The following GRM7 variants were observed in gnomAD, a reference collection of about 807,000 sequenced individuals.
GRM7 encodes metabotropic glutamate receptor 7.
GRM7 carries 35 observed loss-of-function variants against 84.5 expected under a neutral mutation model. The ratio of observed to expected loss-of-function variants is 0.41; its 90% CI spans 0.32 to 0.55. The LOEUF (loss-of-function observed/expected upper bound fraction) is 0.55. GRM7 is among the 20% of genes least tolerant of loss of function. The probability of loss-of-function intolerance (pLI) is 0.19; values close to 1 mark genes in which losing one functional copy is unlikely to be tolerated. For missense variants in GRM7, 1,003 were observed against 1,194.6 expected, an observed-to-expected ratio of 0.84 and a Z score of 2.36; for synonymous variants, 487 against 455.1, an observed-to-expected ratio of 1.07 and a Z score of -0.89.
chr3:6,954,934 G>A (rs113378529), intron 1 of GRM7, among the ~76,000 whole-genome samples: 1 of 152,196 alleles, frequency 6.6e-6, no homozygotes, highest in Non-Finnish European at 1.5e-5. Flanking sequence ...GCTTTTAACT[G>A]CTGAGGCTCA....
chr3:7,338,680 A>G (rs1343126600), intron 4 of GRM7, among the ~76,000 whole-genome samples: 4 of 152,058 alleles, frequency 2.6e-5, no homozygotes, highest in Admixed American at 1.3e-4. Flanking sequence ...AAATGTCTGT[A>G]TTGAGATCAC....
chr3:7,404,414 G>C (rs1310488195), intron 4 of GRM7, among the ~76,000 whole-genome samples: 1 of 152,198 alleles, frequency 6.6e-6, no homozygotes. Flanking sequence ...TAGGCTGACA[G>C]CCTTTCTGAG....
At chr3:7,184,904 A>G (rs1334417695) in intron 2 of GRM7, among the ~76,000 whole-genome samples, 1 of 152,190 alleles carries the variant, frequency 6.6e-6, no homozygotes, top group East Asian at 1.9e-4. Flanking sequence ...AGTAATAATG[A>G]TCAGAAGAAA....
At chr3:7,263,937 G>A (rs1698536508) in intron 2 of GRM7, among the ~76,000 whole-genome samples, 1 of 152,116 alleles carries the variant, frequency 6.6e-6, no homozygotes, top group African/African-American at 2.4e-5. Flanking sequence ...GTGGGGGGTG[G>A]CCGTGGGCGA....
intron 1 of GRM7, among the ~76,000 whole-genome samples, chr3:6,876,626 G>T (rs1354183734): frequency 7.4e-6 from 1 of 134,304 alleles, no homozygotes; most frequent in Non-Finnish European, 1.6e-5. Context: ...TTTTGAGAAG[G>T]TGTCTCGCTG....
Position 7,692,047 on chromosome 3 carries a change from A to G in GRM7, c.2698+11752A>G, listed in dbSNP as rs1454705369. Among the ~76,000 whole-genome samples the G allele has an allele frequency of 2.0e-5, 3 of 152,122 alleles. No homozygotes were observed. The East Asian group carries it at 5.8e-4, about 29-fold the overall frequency. On this transcript the variant is annotated intron_variant, in intron 9 of 9. Transcript: ENST00000357716. ...TAAACTCTCAGAGTTGGAAGTCATG[A>G]TATCTAGGATTGCCAATAAAGTCAG...
intron 1 of GRM7, among the ~76,000 whole-genome samples, chr3:7,029,310 A>ACAAACAAAC (rs1559393917): frequency 9.1e-6 from 1 of 110,120 alleles, no homozygotes; most frequent in Admixed American, 8.8e-5. Flanking sequence ...TCAAAAAAAA[A>ACAAACAAAC]AAAACAAAAA....
intron 2 of GRM7, among the ~76,000 whole-genome samples, chr3:7,203,199 T>A (rs1696124054): frequency 6.6e-6 from 1 of 151,080 alleles, no homozygotes; most frequent in Non-Finnish European, 1.5e-5. Flanking sequence ...CAACCTCTCT[T>A]CATGTCTCCT....
chr3:7,175,828 G>A (rs1220106349), intron 2 of GRM7, among the ~76,000 whole-genome samples: 1 of 152,122 alleles, frequency 6.6e-6, no homozygotes, highest in Non-Finnish European at 1.5e-5. Flanking sequence ...GTGAGCCGCT[G>A]CACCCATCCA....
chr3:7,486,131 CTGACT>C lies in GRM7; in HGVS notation c.1515+24410_1515+24414del, dbSNP rs1449802733. Among the ~76,000 whole-genome samples, 1 of 152,130 alleles carries C rather than the reference CTGACT, an allele frequency of 6.6e-6. No individual in the cohort carries two copies. The highest frequency in any genetic ancestry group is 1.5e-5 in the Non-Finnish European group (1 of 68,038). ...TGGATTTTAAATACTGCTTCTTGAA[CTGACT>C]CTGATCTTAGAATATATTTCATTTT... On this transcript the variant is annotated intron_variant, in intron 7 of 9. Coordinates refer to ENST00000357716, the MANE Select transcript of GRM7 (RefSeq NM_000844.4). The surrounding 1 kb of genome is among the most constrained non-coding windows in gnomAD (Gnocchi z 5.5).
chr3:7,480,146 A>C (rs749743949), intron 7 of GRM7, among the ~76,000 whole-genome samples: 3 of 152,202 alleles, frequency 2.0e-5, no homozygotes, highest in Non-Finnish European at 2.9e-5. Context: ...TCCATCACAG[A>C]GTCTAACCAG....
chr3:7,516,476 C>CAAAAA (rs34508559), intron 7 of GRM7, among the ~76,000 whole-genome samples: 30 of 42,470 alleles, frequency 7.1e-4, no homozygotes, highest in East Asian at 2.0e-3. Flanking sequence ...GACTCCCTCT[C>CAAAAA]AAAAAAAAAA....
intron 9 of GRM7, chr3:7,686,391 G>T: frequency 6.4e-7 from 1 of 1,552,526 alleles, no homozygotes. Flanking sequence ...GTGTACAAAA[G>T]TCTGTTACTT....
At chr3:7,269,312 GA>G (rs1247393694) in intron 2 of GRM7, among the ~76,000 whole-genome samples, 1 of 152,162 alleles carries the variant, frequency 6.6e-6, no homozygotes, top group Non-Finnish European at 1.5e-5. Flanking sequence ...TTTCCTGCCT[GA>G]ACCATCATCA....
At chr3:7,115,891 C>T (rs770122703) in intron 1 of GRM7, among the ~76,000 whole-genome samples, 1 of 152,114 alleles carries the variant, frequency 6.6e-6, no homozygotes, top group Admixed American at 6.6e-5. Flanking sequence ...AATCAACAAC[C>T]TGGCAGTACT....
chr3:7,426,573 A>G (rs893894324), intron 5 of GRM7, among the ~76,000 whole-genome samples: 1 of 152,090 alleles, frequency 6.6e-6, no homozygotes, highest in Non-Finnish European at 1.5e-5. Context: ...TGAAGCTCCC[A>G]TCACGATCTA....
chr3:6,969,111 C>A (rs187786703), intron 1 of GRM7, among the ~76,000 whole-genome samples: 1 of 151,654 alleles, frequency 6.6e-6, no homozygotes, highest in East Asian at 1.9e-4. Context: ...TTCTTGTGAG[C>A]CAGTAATTTA....
At chr3:7,454,691 C>T (rs1348284402) in intron 6 of GRM7, among the ~76,000 whole-genome samples, 1 of 151,814 alleles carries the variant, frequency 6.6e-6, no homozygotes, top group Non-Finnish European at 1.5e-5. Flanking sequence ...AGCCAGGTTT[C>T]TCATTATCCA....
chr3:7,395,201 A>G lies in GRM7; in HGVS notation c.1034-19822A>G, dbSNP rs146980678. Reference sequence around the variant, plus strand: ...GACTTTGAACAGCTCCATTTATTCTATCAGCCATTTGAGTTACATCTATGA... The same window carrying G: ...GACTTTGAACAGCTCCATTTATTCTGTCAGCCATTTGAGTTACATCTATGA... On this transcript the variant is annotated intron_variant, in intron 4 of 9. Coordinates refer to ENST00000357716, the MANE Select transcript of GRM7 (RefSeq NM_000844.4). 3.4e-3 allele frequency among the ~76,000 whole-genome samples: 512 copies of G among 152,262 alleles called. 4 individuals carry two copies. The highest frequency in any genetic ancestry group is 0.023 in the South Asian group (110 of 4,816).
Sources: gnomAD v4.1 joint callset for allele counts (sites outside exome capture counted in the v4.1 genomes callset) on GRCh38, gnomAD v4.1.1 for gene constraint, Gnocchi (gnomAD v3.1) non-coding constraint, MANE v1.5 for transcripts, NCBI Gene and HGNC (gene_info 2026-07-23, HGNC 2026-07-21) for gene names.